PTTG1IP: variants seen among roughly 807,000 people sequenced by gnomAD.
PTTG1IP encodes the protein PTTG1 interacting protein.
Under a neutral mutation model 24.4 loss-of-function variants are expected in PTTG1IP, and 16 were observed. That is an observed-to-expected ratio of 0.66 (90% CI 0.44 to 1.00). The LOEUF (loss-of-function observed/expected upper bound fraction) is 1.00, where lower values mean the gene tolerates loss of function less well. Ranked by LOEUF, PTTG1IP falls within the 50% of genes least tolerant of loss-of-function variation. The pLI, the probability that PTTG1IP is intolerant of heterozygous loss-of-function variation, is 0.00. For synonymous variants in PTTG1IP, 89 were observed against 96.8 expected, an observed-to-expected ratio of 0.92 and a Z score of 0.47; for missense variants, 241 against 245.8, an observed-to-expected ratio of 0.98 and a Z score of 0.13.
intron 2 of PTTG1IP, among the ~76,000 whole-genome samples, chr21:44,864,706 C>T (rs1169979515): frequency 1.3e-5 from 2 of 152,356 alleles, no homozygotes; most frequent in Admixed American, 6.5e-5. Flanking sequence ...CCTGTTCACA[C>T]GTCTTTAACA....
At chr21:44,854,376 G>A (rs868649781) in intron 5 of PTTG1IP, among the ~76,000 whole-genome samples, 5 of 152,188 alleles carry the variant, frequency 3.3e-5, no homozygotes, top group African/African-American at 9.7e-5. Context: ...TGAGGCCCAC[G>A]GCTGCCATGA....
chr21:44,860,238 G>A (rs1483179497), intron 3 of PTTG1IP, among the ~76,000 whole-genome samples: 12 of 152,076 alleles, frequency 7.9e-5, no homozygotes, highest in South Asian at 2.1e-4. Flanking sequence ...ACGTGGTGGC[G>A]GGCACCTGTA....
intron 2 of PTTG1IP, among the ~76,000 whole-genome samples, chr21:44,862,540 T>C (rs993417088): frequency 2.6e-5 from 4 of 151,960 alleles, no homozygotes; most frequent in African/African-American, 9.7e-5. Flanking sequence ...AAAAAAGAAC[T>C]GCCGTTCGGC....
intron 3 of PTTG1IP, among the ~76,000 whole-genome samples, chr21:44,860,205 A>G (rs2083479580): frequency 6.6e-6 from 1 of 152,062 alleles, no homozygotes; most frequent in Admixed American, 6.6e-5. Flanking sequence ...CGTCTCTACT[A>G]AAAAATACAA....
At position 44,851,259 on chromosome 21, in the gene PTTG1IP, C is replaced by T. The variant is rs2083408140; in HGVS notation, c.*322G>A. ...TTCTGCCCTGGGAGAATGACAGCCA[C>T]AGCGCTGGGTGCCGTCAGGCGGCTT... On this transcript the variant is annotated 3_prime_UTR_variant, in exon 6 of 6. Coordinates refer to ENST00000330938, the MANE Select transcript of PTTG1IP (RefSeq NM_004339.4). 2.3e-6 allele frequency: 3 copies of T among 1,308,514 alleles called. No individual in the cohort carries two copies. Among genetic ancestry groups the T allele is most frequent in the Non-Finnish European group, 3.1e-6 (3 of 981,264 alleles). 81.1% of individuals were successfully genotyped at this position (1,308,514 alleles called of 1,614,324 possible). A position where few individuals can be genotyped will look rare whatever the true frequency, so the allele number is the denominator to read the frequency against.
At chr21:44,853,655 C>G (rs895804924) in intron 5 of PTTG1IP, among the ~76,000 whole-genome samples, 6 of 152,200 alleles carry the variant, frequency 3.9e-5, no homozygotes, top group African/African-American at 1.4e-4. Context: ...AGGAGGGCAA[C>G]CCTGGTGCTG....
At chr21:44,854,461 C>G (rs1362080681) in intron 5 of PTTG1IP, among the ~76,000 whole-genome samples, 2 of 112,666 alleles carry the variant, frequency 1.8e-5, no homozygotes, top group Non-Finnish European at 4.0e-5. Context: ...ACCACAAACC[C>G]AGCGCGGGAG....
At chr21:44,861,772 G>A (rs750308928) in intron 2 of PTTG1IP, 17 of 717,270 alleles carry the variant, frequency 2.4e-5, no homozygotes, top group African/African-American at 8.7e-5. Context: ...CCCACACGCC[G>A]GGCACCTGTG....
intron 1 of PTTG1IP, 158 bp from the exon 2 acceptor site, chr21:44,865,605 A>T (rs938255212): frequency 2.1e-5 from 15 of 715,696 alleles, no homozygotes; most frequent in Non-Finnish European, 2.7e-5. Context: ...CCCTGCTGAT[A>T]ACAAGCCTTC....
At position 44,851,395 on chromosome 21, in the gene PTTG1IP, A is replaced by T; in HGVS notation, c.*186T>A. On this transcript the variant is annotated 3_prime_UTR_variant, in exon 6 of 6. Transcript: ENST00000330938. ...GAAACAGAGATGAACAGGGAATAGA[A>T]GGTCACCAGTCTGCAAGACGAGAGG... is the stretch of plus-strand genomic sequence containing the variant. The T allele has an allele frequency of 6.4e-7, 1 of 1,551,772 alleles. No homozygotes were observed. The highest frequency in any genetic ancestry group is 1.4e-5 in the African/African-American group (1 of 73,588).
Position 44,873,524 on chromosome 21 carries a change from G to C in PTTG1IP, c.93C>G (p.Ala31=), listed in dbSNP as rs1455408311. Reference sequence around the variant, plus strand: ...CACCAGCTCCGGGAGGCTCCTGCGCGGCGGCCACCGGGATGAGCAGCAGGA... The same window carrying C: ...CACCAGCTCCGGGAGGCTCCTGCGCCGCGGCCACCGGGATGAGCAGCAGGA... ...ALLLLLIPVA[A]AQEPPGAACS... The change falls in exon 1 of 6, where the codon GCC becomes GCG. Residue 31 remains alanine, a synonymous_variant. Transcript: ENST00000330938. 1 of 1,464,592 alleles carries C rather than the reference G, an allele frequency of 6.8e-7. No homozygotes were observed. The highest frequency in any genetic ancestry group is 9.0e-7 in the Non-Finnish European group (1 of 1,114,508). 90.7% of individuals were successfully genotyped at this position (1,464,592 alleles called of 1,614,324 possible).
chr21:44,860,803 A>G (rs986321242), intron 3 of PTTG1IP, among the ~76,000 whole-genome samples: 1 of 149,658 alleles, frequency 6.7e-6, no homozygotes, highest in Non-Finnish European at 1.5e-5. Flanking sequence ...CTGAGCACAT[A>G]ATACTATTTT....
intron 1 of PTTG1IP, among the ~76,000 whole-genome samples, chr21:44,870,366 C>A (rs1336190725): frequency 6.6e-6 from 1 of 151,836 alleles, no homozygotes; most frequent in African/African-American, 2.4e-5. Context: ...CATGGAGAAA[C>A]CCCATTTCTA....
At chr21:44,861,602 A>G in intron 2 of PTTG1IP, 1 of 655,126 alleles carries the variant, frequency 1.5e-6, no homozygotes, top group East Asian at 2.7e-5. Context: ...TCTCAGCCTC[A>G]GCTCAGCCTG....
intron 1 of PTTG1IP, among the ~76,000 whole-genome samples, chr21:44,871,946 G>A (rs1328639372): frequency 1.3e-5 from 2 of 152,176 alleles, no homozygotes; most frequent in Non-Finnish European, 2.9e-5. Flanking sequence ...ACACCGAATG[G>A]CAGTTCCGGA....
intron 1 of PTTG1IP, among the ~76,000 whole-genome samples, chr21:44,868,104 C>T (rs1372861732): frequency 6.6e-6 from 1 of 152,190 alleles, no homozygotes; most frequent in Non-Finnish European, 1.5e-5. Context: ...CTGTATTCAG[C>T]CCCAGGGAGG....
At chr21:44,855,083 G>C in intron 5 of PTTG1IP, 127 bp downstream of exon 5, 2 of 975,390 alleles carry the variant, frequency 2.1e-6, no homozygotes, top group South Asian at 2.9e-5. Flanking sequence ...CCTCTCTGGA[G>C]AGACGTCCTT....
chr21:44,864,456 G>A (rs1030995375), intron 2 of PTTG1IP, among the ~76,000 whole-genome samples: 2 of 152,230 alleles, frequency 1.3e-5, no homozygotes, highest in African/African-American at 4.8e-5. Context: ...GAGTGCAGTG[G>A]CACAATCTTG....
At chr21:44,858,654 C>T (rs1349515531) in intron 3 of PTTG1IP, among the ~76,000 whole-genome samples, 2 of 152,242 alleles carry the variant, frequency 1.3e-5, no homozygotes, top group African/African-American at 4.8e-5. Context: ...TGACTAGTCA[C>T]CTGCTGCCGC....
Sources: allele counts gnomAD v4.1 joint callset (sites outside exome capture counted in the v4.1 genomes callset), GRCh38; gene constraint gnomAD v4.1.1; transcripts MANE v1.5; gene names NCBI Gene and HGNC (gene_info 2026-07-23, HGNC 2026-07-21).